Variants in FAR2 observed in about 807,000 individuals in gnomAD.
FAR2 encodes the protein epididymis secretory protein Li 81.
In FAR2, 19 loss-of-function variants were observed where a neutral mutation model predicts 56.0. The ratio of observed to expected loss-of-function variants is 0.34; its 90% confidence interval spans 0.24 to 0.50. The LOEUF is 0.50. FAR2 is among the 20% of genes least tolerant of loss of function. The pLI is 0.98. For synonymous variants in FAR2, 219 were observed against 218.8 expected, an observed-to-expected ratio of 1.00 and a Z score of -0.01; for missense variants, 508 against 642.2, an observed-to-expected ratio of 0.79 and a Z score of 2.26.
intron 1 of FAR2, among the ~76,000 whole-genome samples, chr12:29,155,224 G>A (rs1949716819): frequency 6.6e-6 from 1 of 152,198 alleles, no homozygotes; most frequent in African/African-American, 2.4e-5. Context: ...ACTCCCCAGG[G>A]CCTCTTAGGT....
chr12:29,217,433 G>C (rs959311851), intron 1 of FAR2, among the ~76,000 whole-genome samples: 2 of 152,220 alleles, frequency 1.3e-5, no homozygotes, highest in Admixed American at 1.3e-4. Context: ...CTTTTGCTGA[G>C]TTTCCAGAAG....
chr12:29,161,189 C>A (rs557354759), intron 1 of FAR2, among the ~76,000 whole-genome samples: 2 of 152,284 alleles, frequency 1.3e-5, no homozygotes, highest in African/African-American at 4.8e-5. Flanking sequence ...TTAACACACA[C>A]AGACACCTCC....
chr12:29,267,049 A>G (rs1489027508), intron 1 of FAR2, among the ~76,000 whole-genome samples: 4 of 152,196 alleles, frequency 2.6e-5, no homozygotes, highest in Non-Finnish European at 5.9e-5. Flanking sequence ...ATTTATGCCT[A>G]ATATCCTATT....
intron 10 of FAR2, 118 bp from the exon 11 acceptor site, chr12:29,332,482 G>C: frequency 7.0e-7 from 1 of 1,431,866 alleles, no homozygotes. Flanking sequence ...TTTGGAGAGG[G>C]TCCAACCTAT....
chr12:29,245,258 G>A (rs1484705645), intron 1 of FAR2, among the ~76,000 whole-genome samples: 2 of 152,178 alleles, frequency 1.3e-5, no homozygotes, highest in Non-Finnish European at 2.9e-5. Context: ...GGGATTACAG[G>A]CGTGAGCCAC....
rs11533433 is a variant in FAR2 at position 29,326,523 on chromosome 12, A to T, written c.1257+4599A>T. On this transcript the variant is annotated intron_variant, in intron 10 of 11. Coordinates refer to ENST00000536681, the MANE Select transcript of FAR2 (RefSeq NM_001271783.2). The stretch of plus-strand genomic sequence containing the variant: ...CCTCAATAAAATACTGGCAAACCAA[A>T]TCCAGCAACACATCAAAAAGCTTAT... 8.2e-3 allele frequency among the ~76,000 whole-genome samples: 1,247 copies of T among 152,270 alleles called. 10 individuals are homozygous for T. Among genetic ancestry groups the T allele is most frequent in the East Asian group, 0.033 (170 of 5,186 alleles).
At position 29,293,118 on chromosome 12, in the gene FAR2, T is replaced by C. The variant is rs1325008667; in HGVS notation, c.190-182T>C. The C allele has an allele frequency of 2.0e-5, 9 of 439,992 alleles. No individual in the cohort carries two copies. In the South Asian group the frequency reaches 3.2e-4, roughly 16 times the overall value. The allele number at this position is 439,992 out of a possible 1,614,324, so 27.3% of individuals were successfully genotyped here. ...CTGGGCTCAAGTGATCTCCCTGCTT[T>C]GGCTTCCCAAAGTGCTGAGATTACA... is the stretch of plus-strand genomic sequence containing the variant. On this transcript the variant is annotated intron_variant, in intron 2 of 11. Coordinates refer to ENST00000536681, the MANE Select transcript of FAR2 (RefSeq NM_001271783.2).
intron 1 of FAR2, among the ~76,000 whole-genome samples, chr12:29,208,532 C>G (rs973554746): frequency 6.6e-6 from 1 of 152,126 alleles, no homozygotes; most frequent in African/African-American, 2.4e-5. Context: ...ATTTATATTT[C>G]TATCATCAGA....
chr12:29,201,444 T>C (rs924107), intron 1 of FAR2, among the ~76,000 whole-genome samples: 112,205 of 152,102 alleles, frequency 0.74, 43,476 homozygotes, highest in East Asian at 0.91. Flanking sequence ...AAGGAAAATG[T>C]TACCAGCCTG....
At position 29,209,692 on chromosome 12, in the gene FAR2, C is replaced by CTGTGTGTGTG. The variant is rs34881464; in HGVS notation, c.-39+60303_-39+60312dup. On this transcript the variant is annotated intron_variant, in intron 1 of 11. Transcript: ENST00000536681. ...TCTGCTACAAAGAAGGATGTCTGCT[C>CTGTGTGTGTG]TGTGTGTGTGTGTGTGTGTGTGTGT... is the stretch of plus-strand genomic sequence containing the variant. Among the ~76,000 whole-genome samples the CTGTGTGTGTG allele has an allele frequency of 6.7e-3, 996 of 149,176 alleles. 9 individuals carry two copies. The highest frequency in any genetic ancestry group is 0.019 in the African/African-American group (759 of 40,580).
At position 29,309,181 on chromosome 12, in the gene FAR2, T is replaced by C; in HGVS notation, c.724-5T>C. On this transcript the variant is annotated splice_polypyrimidine_tract_variant and splice_region_variant and intron_variant, in intron 5 of 11. Transcript: ENST00000536681. The stretch of plus-strand genomic sequence containing the variant: ...TGTAACCAATAGAAATCTTCTTTCT[T>C]TTAGGGTTGGGTTGATAATATAAAT... 6.3e-7 allele frequency: 1 copy of C among 1,594,950 alleles called. No homozygotes were observed. The highest frequency in any genetic ancestry group is 8.6e-7 in the Non-Finnish European group (1 of 1,164,854).
chr12:29,296,436 GTTAAA>G (rs1305190294), intron 3 of FAR2, among the ~76,000 whole-genome samples: 12 of 152,156 alleles, frequency 7.9e-5, no homozygotes, highest in African/African-American at 1.4e-4. Context: ...TCTCATTTGA[GTTAAA>G]TTAAATTAGT....
chr12:29,321,866 A>T lies in FAR2; in HGVS notation c.1199A>T (p.Glu400Val). ...MLEYFINRSW[E>V]WSTYNTEMLM... ...GAGTATTTCATCAACCGGAGTTGGG[A>T]ATGGAGCACGTACAATACAGAAATG... The change falls in exon 10 of 12, where the codon GAA becomes GTA. Residue 400 changes from glutamate (E) to valine (V), a missense_variant. By Grantham distance (121) the Glu-to-Val change is moderately radical. Transcript: ENST00000536681. 6.2e-7 allele frequency: 1 copy of T among 1,613,868 alleles called. No homozygotes were observed. Among genetic ancestry groups the T allele is most frequent in the South Asian group, 1.1e-5 (1 of 91,070 alleles).
At chr12:29,239,351 T>C (rs1947989046) in intron 1 of FAR2, among the ~76,000 whole-genome samples, 1 of 152,168 alleles carries the variant, frequency 6.6e-6, no homozygotes, top group African/African-American at 2.4e-5. Context: ...CAGGAAACCC[T>C]TTCCATTTCC....
At chr12:29,311,709 T>G (rs557179555) in intron 7 of FAR2, among the ~76,000 whole-genome samples, 174 bp from the exon 8 acceptor site, 2 of 140,136 alleles carry the variant, frequency 1.4e-5, no homozygotes, top group East Asian at 2.0e-4. Context: ...TTTCCTAGTC[T>G]TCTTCCATTT....
In FAR2 at chr12:29,243,747, C is replaced by T. The variant is rs1948078468; in HGVS notation, c.-38-26665C>T. 2.6e-5 allele frequency among the ~76,000 whole-genome samples: 4 copies of T among 152,170 alleles called. No individual in the cohort carries two copies. In the South Asian group the frequency reaches 8.3e-4, roughly 31 times the overall value. On this transcript the variant is annotated intron_variant, in intron 1 of 11. Coordinates refer to ENST00000536681, the MANE Select transcript of FAR2 (RefSeq NM_001271783.2). ...TGAAACTGCCATCCCATTCATTTCTCTTCTAGGAACTGTTAAAGTCCAAAA... is the reference window on the plus strand; with the variant it reads ...TGAAACTGCCATCCCATTCATTTCTTTTCTAGGAACTGTTAAAGTCCAAAA...
intron 10 of FAR2, among the ~76,000 whole-genome samples, chr12:29,325,996 G>C (rs1949637904): frequency 6.6e-6 from 1 of 152,102 alleles, no homozygotes; most frequent in Admixed American, 6.6e-5. Flanking sequence ...AAAATTGATA[G>C]ACTGCTAGCA....
chr12:29,267,642 A>C (rs1039544580), intron 1 of FAR2, among the ~76,000 whole-genome samples: 1 of 152,222 alleles, frequency 6.6e-6, no homozygotes, highest in South Asian at 2.1e-4. Flanking sequence ...TGAGGAAGTC[A>C]CTGGGTGAAT....
At chr12:29,251,653 G>A (rs114926770) in intron 1 of FAR2, among the ~76,000 whole-genome samples, 1 of 152,280 alleles carries the variant, frequency 6.6e-6, no homozygotes, top group African/African-American at 2.4e-5. Context: ...CCTGACTTGT[G>A]GAGTGAGGGC....
Sources: gnomAD v4.1 joint callset for allele counts (sites outside exome capture counted in the v4.1 genomes callset) on GRCh38, gnomAD v4.1.1 for gene constraint, MANE v1.5 for transcripts, NCBI Gene and HGNC (gene_info 2026-07-23, HGNC 2026-07-21) for gene names.